Variants in BSN observed in about 807,000 individuals in gnomAD.
BSN encodes bassoon presynaptic cytomatrix protein.
Under a neutral mutation model 264.8 loss-of-function variants are expected in BSN, and 57 were observed. That is an observed-to-expected ratio of 0.22 (90% CI 0.17 to 0.27). The LOEUF (loss-of-function observed/expected upper bound fraction) is 0.27, where lower values mean the gene tolerates loss of function less well. Among genes scored for constraint, BSN ranks in the 10% least tolerant of loss-of-function variants. BSN has a pLI of 1.00. For synonymous variants in BSN, 2,059 were observed against 2,137.3 expected (o/e 0.96, Z 1.01); for missense variants, 4,615 against 5,232.5 (o/e 0.88, Z 3.64).
rs755897132 is a variant in BSN, at chr3:49,624,955, C to T, written c.225-20C>T. ...TTCTCTAAGCTGTATCTCTAACAGT[C>T]ATTTTCAATGTCATTTCAGCACTTC... On this transcript the variant is annotated intron_variant, in intron 1 of 11. Transcript: ENST00000296452. 8 of 1,499,956 alleles carry T rather than the reference C, an allele frequency of 5.3e-6. No homozygotes were observed. The highest frequency in any genetic ancestry group is 1.4e-5 in the South Asian group (1 of 72,874). 92.9% of individuals were successfully genotyped at this position (1,499,956 alleles called of 1,614,324 possible). A position where few individuals can be genotyped will look rare whatever the true frequency, so the allele number is the denominator to read the frequency against.
Position 49,653,825 on chromosome 3 carries a change from A to C in BSN, c.4269A>C (p.Pro1423=), listed in dbSNP as rs1325654005. Residue 1423 remains proline (P), a synonymous_variant, in exon 5 of 12, where the codon CCA becomes CCC. Transcript: ENST00000296452. The surrounding 1 kb of genome is among the most constrained non-coding windows in gnomAD (Gnocchi z 6.3). ...SSTAHSYGHS[P]TTANYGSQTE... ...CAGCCCACAGCTATGGACACAGCCC[A>C]ACCACTGCAAACTATGGGTCCCAAA... 11 of 1,614,084 alleles carry C rather than the reference A, an allele frequency of 6.8e-6. No individual in the cohort carries two copies. The highest frequency in any genetic ancestry group is 7.6e-6 in the Non-Finnish European group (9 of 1,180,004).
At position 49,660,346 on chromosome 3, in the gene BSN, C is replaced by A. The variant is rs1187619445; in HGVS notation, c.8641-140C>A. 2.0e-6 allele frequency: 3 copies of A among 1,488,812 alleles called. No homozygotes were observed. The Admixed American group carries it at 7.2e-5, about 36-fold the overall frequency. 92.2% of individuals were successfully genotyped at this position (1,488,812 alleles called of 1,614,324 possible). The stretch of plus-strand genomic sequence containing the variant: ...CCTATGGGTGGGCAGGGTAGGCCTC[C>A]AGGCTGCCTGGTAAATCAGGGCACC... On this transcript the variant is annotated intron_variant, in intron 5 of 11. Coordinates refer to ENST00000296452, the MANE Select transcript of BSN (RefSeq NM_003458.4). This position sits in a 1 kb window ranked among gnomAD's most constrained non-coding sequence, Gnocchi z 7.1.
chr3:49,642,464 G>T lies in BSN; in HGVS notation c.830G>T (p.Arg277Leu). The change falls in exon 3 of 12, where the codon CGC becomes CTC. Residue 277 changes from arginine to leucine, a missense_variant. This residue lies in a region of BSN where 1,197 missense variants were observed against 1,348.0 expected (regional missense o/e 0.89). Coordinates refer to ENST00000296452, the MANE Select transcript of BSN (RefSeq NM_003458.4). The surrounding 1 kb of genome is among the most constrained non-coding windows in gnomAD (Gnocchi z 7.0). The part of the protein sequence containing the change: ...RGPGGPQPGS[R>L]QAETARATSV... ...CCAGGAGGACCACAGCCTGGGTCCCGCCAGGCTGAGACAGCCAGGGCCACC... is the reference window on the plus strand; with the variant it reads ...CCAGGAGGACCACAGCCTGGGTCCCTCCAGGCTGAGACAGCCAGGGCCACC... The T allele has an allele frequency of 6.3e-7, 1 of 1,584,744 alleles. No individual in the cohort carries two copies. Among genetic ancestry groups the T allele is most frequent in the Non-Finnish European group, 8.6e-7 (1 of 1,167,154 alleles).
At chr3:49,672,479 C>CTTTTTT (rs371314787), downstream of BSN, among the ~76,000 whole-genome samples, 8 of 143,052 alleles carry the variant, frequency 5.6e-5, no homozygotes, top group Non-Finnish European at 7.6e-5. Context: ...AGTTGGGACT[C>CTTTTTT]TTTTTTTTTT....
chr3:49,596,064 A>G (rs2052020057), intron 1 of BSN, among the ~76,000 whole-genome samples: 4 of 152,108 alleles, frequency 2.6e-5, no homozygotes, highest in Admixed American at 2.0e-4. Flanking sequence ...ATATCTTTGC[A>G]TCGTACACAG....
intron 1 of BSN, among the ~76,000 whole-genome samples, chr3:49,623,447 T>A (rs2052319739): frequency 6.6e-6 from 1 of 152,216 alleles, no homozygotes; most frequent in Non-Finnish European, 1.5e-5. Context: ...TGAACTTAAG[T>A]TGGGTCAAAG....
chr3:49,606,302 A>AT (rs367897857), intron 1 of BSN, among the ~76,000 whole-genome samples: 2 of 87,446 alleles, frequency 2.3e-5, no homozygotes, highest in African/African-American at 1.0e-4. Flanking sequence ...ATATATTAAA[A>AT]ATATATATAA....
At chr3:49,643,174 C>T (rs201496639) in intron 3 of BSN, 22 bp downstream of exon 3, 131 of 1,586,038 alleles carry the variant, frequency 8.3e-5, no homozygotes, top group Middle Eastern at 5.5e-4. Flanking sequence ...ACCAAGCATG[C>T]TCCCTTGAAC....
intron 2 of BSN, among the ~76,000 whole-genome samples, chr3:49,629,203 A>AAAAGCC (rs1364332162): frequency 6.6e-6 from 1 of 152,270 alleles, no homozygotes; most frequent in Non-Finnish European, 1.5e-5. Context: ...TCTCTGAAGG[A>AAAAGCC]AAAGCAGGAT....
chr3:49,556,823 G>A (rs1163844199), intron 1 of BSN, among the ~76,000 whole-genome samples: 1 of 152,226 alleles, frequency 6.6e-6, no homozygotes, highest in Non-Finnish European at 1.5e-5. Context: ...AAAAAGCCCT[G>A]TGAATGTGCT....
rs771410180 is a variant in BSN, at chr3:49,663,584, G to A, written c.11426G>A (p.Gly3809Asp). The A allele has an allele frequency of 1.2e-6, 2 of 1,605,744 alleles. No individual in the cohort carries two copies. The highest frequency in any genetic ancestry group is 1.7e-6 in the Non-Finnish European group (2 of 1,177,448). The change falls in exon 7 of 12, where the codon GGC becomes GAC. Residue 3809 changes from glycine (G) to aspartate (D), a missense_variant. Physicochemically the swap from Gly to Asp is moderately conservative, Grantham distance 94. Transcript: ENST00000296452. ...LQQQSQPTTRGSAPAASQPAG... is the reference protein window; with the variant it reads ...LQQQSQPTTRDSAPAASQPAG... ...CAACAGAGCCAGCCAACCACCCGGGGCTCAGCCCCTGCTGCCAGCCAGCCT... is the reference window on the plus strand; with the variant it reads ...CAACAGAGCCAGCCAACCACCCGGGACTCAGCCCCTGCTGCCAGCCAGCCT...
intron 1 of BSN, among the ~76,000 whole-genome samples, chr3:49,587,531 G>A (rs1488434332): frequency 6.6e-6 from 1 of 152,184 alleles, no homozygotes; most frequent in East Asian, 1.9e-4. Flanking sequence ...AAAGAATGAA[G>A]CAATGAAAGC....
intron 1 of BSN, among the ~76,000 whole-genome samples, chr3:49,556,165 G>A (rs72936008): frequency 0.038 from 5,829 of 152,254 alleles, 371 homozygotes; most frequent in African/African-American, 0.13. Context: ...GGCTCACCCA[G>A]GCTTTAGTGT....
chr3:49,608,554 G>A (rs1480497173), intron 1 of BSN, among the ~76,000 whole-genome samples: 1 of 152,184 alleles, frequency 6.6e-6, no homozygotes, highest in Non-Finnish European at 1.5e-5. Context: ...TTCAGGCTTG[G>A]CGTGGTGGCT....
Position 49,657,043 on chromosome 3 carries a change from C to G in BSN, c.7487C>G (p.Ala2496Gly). 6.2e-7 allele frequency: 1 copy of G among 1,609,732 alleles called. No homozygotes were observed. Among genetic ancestry groups the G allele is most frequent in the Non-Finnish European group, 8.5e-7 (1 of 1,177,310 alleles). The change falls in exon 5 of 12, where the codon GCC becomes GGC. Residue 2496 changes from alanine to glycine, a missense_variant. Ala to Gly is a moderately conservative substitution (Grantham distance 60). Transcript: ENST00000296452. Reference sequence around the variant, plus strand: ...CCTCCCCTAGCGGCTGCTGAGTTGGCCCAGAATGGCCAGTATTGGCCCCCC... The same window carrying G: ...CCTCCCCTAGCGGCTGCTGAGTTGGGCCAGAATGGCCAGTATTGGCCCCCC... ...RGPPLAAAEL[A>G]QNGQYWPPLT... is the part of the protein sequence containing the mutation.
At chr3:49,645,629 T>C (rs1406720271) in intron 3 of BSN, among the ~76,000 whole-genome samples, 1 of 152,218 alleles carries the variant, frequency 6.6e-6, no homozygotes, top group Non-Finnish European at 1.5e-5. Context: ...TGCTGATATG[T>C]TCACCATCCC....
chr3:49,570,877 T>C (rs1407044359), intron 1 of BSN, among the ~76,000 whole-genome samples: 2 of 152,162 alleles, frequency 1.3e-5, no homozygotes, highest in South Asian at 4.1e-4. Flanking sequence ...GTTTTGCCTT[T>C]TTGGAAAGCA....
chr3:49,557,568 C>A (rs2051682431), intron 1 of BSN, among the ~76,000 whole-genome samples: 2 of 151,438 alleles, frequency 1.3e-5, no homozygotes, highest in South Asian at 4.2e-4. Flanking sequence ...TGGACTTGCA[C>A]CTGTCAGTTT....
At chr3:49,648,831 G>A (rs1189031846) in intron 3 of BSN, among the ~76,000 whole-genome samples, 1 of 152,248 alleles carries the variant, frequency 6.6e-6, no homozygotes, top group Non-Finnish European at 1.5e-5. Flanking sequence ...GTGAGTATAT[G>A]TATGTAGGGC....
Sources: gnomAD v4.1 joint callset for allele counts (sites outside exome capture counted in the v4.1 genomes callset) on GRCh38, gnomAD v4.1.1 for gene constraint, gnomAD v4.1.1 regional missense constraint, Gnocchi (gnomAD v3.1) non-coding constraint, MANE v1.5 for transcripts, NCBI Gene and HGNC (gene_info 2026-07-23, HGNC 2026-07-21) for gene names.